Variants in CEP128 observed in about 807,000 individuals in gnomAD.
The protein encoded by CEP128 is centrosomal protein 128, also known as centrosomal protein 128kDa.
A neutral mutation model predicts 156.7 loss-of-function variants in CEP128; 132 were observed. The ratio of observed to expected loss-of-function variants is 0.84; its 90% CI spans 0.73 to 0.97. CEP128 has a LOEUF of 0.97. Among genes scored for constraint, CEP128 ranks in the 50% least tolerant of loss-of-function variants. The probability of loss-of-function intolerance (pLI) is 0.00; values close to 1 mark genes in which losing one functional copy is unlikely to be tolerated. For missense variants in CEP128, 1,252 were observed against 1,281.9 expected, an observed-to-expected ratio of 0.98 and a Z score of 0.36; for synonymous variants, 469 against 448.9, an observed-to-expected ratio of 1.04 and a Z score of -0.57.
intron 18 of CEP128, among the ~76,000 whole-genome samples, chr14:80,752,182 C>T (rs1289762736): frequency 6.6e-6 from 1 of 152,084 alleles, no homozygotes; most frequent in Non-Finnish European, 1.5e-5. Flanking sequence ...CAGAATTTTG[C>T]TCCTTTAATT....
At chr14:80,630,696 T>C (rs566478436) in intron 19 of CEP128, among the ~76,000 whole-genome samples, 1 of 152,176 alleles carries the variant, frequency 6.6e-6, no homozygotes, top group East Asian at 1.9e-4. Flanking sequence ...GTTCATATGA[T>C]TTGTTTTCAG....
intron 19 of CEP128, among the ~76,000 whole-genome samples, chr14:80,698,179 T>C (rs1436196437): frequency 6.6e-6 from 1 of 152,114 alleles, no homozygotes; most frequent in East Asian, 1.9e-4. Context: ...ATTGTTGGAC[T>C]GGACATAGTA....
chr14:80,665,977 G>C (rs1174005200), intron 19 of CEP128, among the ~76,000 whole-genome samples: 1 of 152,174 alleles, frequency 6.6e-6, no homozygotes, highest in African/African-American at 2.4e-5. Flanking sequence ...CTATCCAAAA[G>C]AGAGAAGAGA....
At chr14:80,723,296 T>C (rs1021006275) in intron 19 of CEP128, among the ~76,000 whole-genome samples, 4 of 152,172 alleles carry the variant, frequency 2.6e-5, no homozygotes, top group African/African-American at 4.8e-5. Context: ...AACTTTTAAA[T>C]ATGTATGAAA....
chr14:80,837,741 A>C (rs909382401), intron 11 of CEP128, among the ~76,000 whole-genome samples: 4 of 152,322 alleles, frequency 2.6e-5, no homozygotes, highest in Non-Finnish European at 4.4e-5. Flanking sequence ...AATTACCCTT[A>C]TCTTTGGTTT....
chr14:80,585,978 G>C (rs1891803303), intron 19 of CEP128, among the ~76,000 whole-genome samples: 1 of 151,988 alleles, frequency 6.6e-6, no homozygotes, highest in Admixed American at 6.6e-5. Flanking sequence ...TTCCATTCCA[G>C]ATACTCAAGA....
At chr14:80,888,040 A>C (rs1291110098) in intron 8 of CEP128, among the ~76,000 whole-genome samples, 2 of 152,332 alleles carry the variant, frequency 1.3e-5, no homozygotes, top group East Asian at 3.9e-4. Context: ...AGAAATGGAT[A>C]AATTCCTGGA....
At chr14:80,558,716 C>A (rs547494041) in intron 21 of CEP128, among the ~76,000 whole-genome samples, 3 of 152,280 alleles carry the variant, frequency 2.0e-5, no homozygotes, top group Non-Finnish European at 2.9e-5. Flanking sequence ...AGCTACTGCG[C>A]CTGGCCAAAA....
At chr14:80,933,960 A>T (rs112410969) in intron 2 of CEP128, among the ~76,000 whole-genome samples, 85 of 152,170 alleles carry the variant, frequency 5.6e-4, no homozygotes, top group African/African-American at 1.9e-3. Flanking sequence ...AATATTTGAG[A>T]CTCTGATGCC....
intron 19 of CEP128, among the ~76,000 whole-genome samples, chr14:80,676,811 TTAA>T (rs1175105262): frequency 6.6e-6 from 1 of 152,194 alleles, no homozygotes; most frequent in East Asian, 1.9e-4. Flanking sequence ...ACTTAATTAA[TTAA>T]TGTGGTAAAT....
chr14:80,798,547 G>A (rs1263998095), intron 13 of CEP128, among the ~76,000 whole-genome samples: 1 of 152,190 alleles, frequency 6.6e-6, no homozygotes, highest in Non-Finnish European at 1.5e-5. Context: ...CCTGTATGGA[G>A]CAAAATTTTA....
intron 7 of CEP128, among the ~76,000 whole-genome samples, chr14:80,897,866 C>T (rs183287859): frequency 1.3e-5 from 2 of 152,150 alleles, no homozygotes; most frequent in African/African-American, 2.4e-5. Context: ...CAGCTTCAAC[C>T]TCCTGGGCTC....
At chr14:80,595,059 G>C (rs1019544018) in intron 19 of CEP128, among the ~76,000 whole-genome samples, 3 of 152,092 alleles carry the variant, frequency 2.0e-5, no homozygotes, top group African/African-American at 7.2e-5. Flanking sequence ...CAATAGCAAA[G>C]ACTTGGAACC....
chr14:80,572,196 G>GA lies in CEP128; in HGVS notation c.2856+8177dup, dbSNP rs534661297. 1.6e-3 allele frequency among the ~76,000 whole-genome samples: 250 copies of GA among 152,310 alleles called. 1 individual carries two copies. Among genetic ancestry groups the GA allele is most frequent in the Non-Finnish European group, 1.8e-3 (121 of 68,032 alleles). ...TGAGTTTTTAAGATCCCAGACTGGG[G>GA]AAATCCTCTGCAGTGTTTCTGTATA... On this transcript the variant is annotated intron_variant, in intron 20 of 24. Transcript: ENST00000555265.
chr14:80,540,907 C>T (rs1318663752), intron 21 of CEP128, among the ~76,000 whole-genome samples: 1 of 152,166 alleles, frequency 6.6e-6, no homozygotes, highest in Non-Finnish European at 1.5e-5. Flanking sequence ...TCCCGATTTA[C>T]CCCAAACACT....
At chr14:80,552,412 C>T (rs1444597755) in intron 21 of CEP128, among the ~76,000 whole-genome samples, 1 of 152,106 alleles carries the variant, frequency 6.6e-6, no homozygotes, top group South Asian at 2.1e-4. Context: ...TTTGTATACT[C>T]CCAGGGGCAT....
intron 19 of CEP128, among the ~76,000 whole-genome samples, chr14:80,618,777 C>T (rs1893338292): frequency 6.6e-6 from 1 of 152,172 alleles, no homozygotes; most frequent in Non-Finnish European, 1.5e-5. Flanking sequence ...ACTTTAGCAA[C>T]CATAACAATC....
intron 19 of CEP128, among the ~76,000 whole-genome samples, chr14:80,598,217 A>G (rs1419500186): frequency 1.3e-5 from 2 of 152,042 alleles, no homozygotes; most frequent in Admixed American, 6.5e-5. Context: ...ACAAAACAAA[A>G]CAACAATAAA....
At chr14:80,666,287 C>T (rs755331003) in intron 19 of CEP128, among the ~76,000 whole-genome samples, 1 of 152,218 alleles carries the variant, frequency 6.6e-6, no homozygotes, top group Non-Finnish European at 1.5e-5. Flanking sequence ...AAGTGCCTGA[C>T]TCTAGCCTAT....
Sources: gnomAD v4.1 joint callset for allele counts (sites outside exome capture counted in the v4.1 genomes callset) on GRCh38, gnomAD v4.1.1 for gene constraint, MANE v1.5 for transcripts, NCBI Gene and HGNC (gene_info 2026-07-23, HGNC 2026-07-21) for gene names.